Variants in TREM1 observed in about 807,000 individuals in gnomAD.
TREM1 encodes the protein triggering receptor expressed on myeloid cells 1.
Under a neutral mutation model 22.4 loss-of-function variants are expected in TREM1, and 16 were observed. The ratio of observed to expected loss-of-function variants is 0.71; its 90% CI spans 0.48 to 1.08. The LOEUF is 1.08. Ranked by LOEUF, TREM1 falls within the 50% of genes least tolerant of loss-of-function variation. TREM1 has a pLI of 0.00. For missense variants in TREM1, 283 were observed against 282.9 expected, an observed-to-expected ratio of 1.00 and a Z score of 0.00; for synonymous variants, 110 against 111.6, an observed-to-expected ratio of 0.99 and a Z score of 0.09.
intron 3 of TREM1, among the ~76,000 whole-genome samples, chr6:41,268,348 G>A (rs372921519): frequency 5.9e-5 from 9 of 152,184 alleles, no homozygotes; most frequent in African/African-American, 1.9e-4. Flanking sequence ...ATGTTTAAGC[G>A]TATCCTTATT....
chr6:41,285,159 A>G, intron 1 of TREM1, among the ~76,000 whole-genome samples: 1 of 152,228 alleles, frequency 6.6e-6, no homozygotes, highest in Middle Eastern at 3.2e-3. Flanking sequence ...GGTGGGAGTT[A>G]CAGGTGACTG....
downstream of TREM1, among the ~76,000 whole-genome samples, chr6:41,267,591 T>TA (rs372548135): frequency 7.9e-5 from 12 of 151,838 alleles, no homozygotes; most frequent in South Asian, 1.0e-3. Flanking sequence ...TAGTAAAGAT[T>TA]AAAAAAAACA....
At position 41,286,505 on chromosome 6, in the gene TREM1, C is replaced by G. The variant is rs1334233525; in HGVS notation, c.49+102G>C. The G allele has an allele frequency of 4.7e-6, 6 of 1,269,394 alleles. No homozygotes were observed. The East Asian group carries it at 1.4e-4, about 30-fold the overall frequency. The allele number at this position is 1,269,394 out of a possible 1,614,324, so 78.6% of individuals were successfully genotyped here. ...ACGGTCTGCCATAACTACTGGTTGGCTCTATCTTGGATGGCCCTGTGCTCT... is the reference window on the plus strand; with the variant it reads ...ACGGTCTGCCATAACTACTGGTTGGGTCTATCTTGGATGGCCCTGTGCTCT... On this transcript the variant is annotated intron_variant, in intron 1 of 3. Coordinates refer to ENST00000244709, the MANE Select transcript of TREM1 (RefSeq NM_018643.5).
At chr6:41,279,905 GA>G (rs1767836417) in intron 3 of TREM1, 2 of 976,908 alleles carry the variant, frequency 2.0e-6, no homozygotes, top group African/African-American at 3.5e-5. Flanking sequence ...TTTAAAAGAA[GA>G]AAAATATATC....
At chr6:41,272,711 C>T (rs570338793), downstream of TREM1, among the ~76,000 whole-genome samples, 6 of 152,180 alleles carry the variant, frequency 3.9e-5, no homozygotes, top group East Asian at 1.2e-3. Flanking sequence ...GGGGCTTTGC[C>T]TGAGTACCAG....
downstream of TREM1, chr6:41,269,886 C>T (rs939718234): frequency 2.6e-5 from 4 of 152,272 alleles, no homozygotes; most frequent in African/African-American, 9.6e-5. Context: ...TGCACCAATA[C>T]CAGCCAAATC....
chr6:41,278,490 G>A (rs984361444), intron 3 of TREM1, among the ~76,000 whole-genome samples: 1 of 151,684 alleles, frequency 6.6e-6, no homozygotes, highest in African/African-American at 2.4e-5. Flanking sequence ...GGCAACACAG[G>A]GAGACCCCCA....
chr6:41,280,889 C>T, intron 3 of TREM1, 72 bp downstream of exon 3: 1 of 1,609,126 alleles, frequency 6.2e-7, no homozygotes, highest in Non-Finnish European at 8.5e-7. Flanking sequence ...CTTTCACATC[C>T]TCTCAGCACA....
chr6:41,276,345 C>T lies in TREM1; in HGVS notation c.600-115G>A. The T allele has an allele frequency of 6.6e-6, 5 of 752,444 alleles. No homozygotes were observed. In the South Asian group the frequency reaches 8.0e-5, roughly 12 times the overall value. 46.6% of individuals were successfully genotyped at this position (752,444 alleles called of 1,614,324 possible). ...CTCCTCTGCTTAGATCCTTGCTCCA[C>T]CTTTCCCGCACTGCCTGACCCTGTG... On this transcript the variant is annotated intron_variant, in intron 3 of 3. Transcript: ENST00000244709.
In TREM1 at chr6:41,277,072, T is replaced by TAA. The variant is rs3842496; in HGVS notation, c.600-844_600-843dup. 9.0e-3 allele frequency among the ~76,000 whole-genome samples: 1,328 copies of TAA among 147,650 alleles called. 18 individuals carry two copies. Among genetic ancestry groups the TAA allele is most frequent in the African/African-American group, 0.027 (1,077 of 39,884 alleles). ...CCCCGGACTAAACATTTAAATAAAA[T>TAA]AAAAAAAAAACAATCCAAGAAAAGT... On this transcript the variant is annotated intron_variant, in intron 3 of 3. Transcript: ENST00000244709.
rs953583070 is a variant in TREM1 at position 41,275,250 on chromosome 6, C to T, written c.*875G>A. 1 of 152,182 alleles carries T rather than the reference C, an allele frequency of 6.6e-6. No individual in the cohort carries two copies. Among genetic ancestry groups the T allele is most frequent in the East Asian group, 1.9e-4 (1 of 5,182 alleles). 9.4% of individuals were successfully genotyped at this position (152,182 alleles called of 1,614,324 possible). A position where few individuals can be genotyped will look rare whatever the true frequency, so the allele number is the denominator to read the frequency against. ...AGCTTTTACTCCACCATCCCTGACC[C>T]TTGTGTGATACAGGAAAAGAGGCAT... On this transcript the variant is annotated 3_prime_UTR_variant, in exon 4 of 4. Coordinates refer to ENST00000244709, the MANE Select transcript of TREM1 (RefSeq NM_018643.5).
chr6:41,273,351 T>C (rs142721727), downstream of TREM1, among the ~76,000 whole-genome samples: 291 of 152,294 alleles, frequency 1.9e-3, 1 homozygote, highest in African/African-American at 6.8e-3. Flanking sequence ...CTTGCTGTTT[T>C]AGATAGCCAG....
intron 3 of TREM1, among the ~76,000 whole-genome samples, chr6:41,276,491 C>T (rs571692315): frequency 2.0e-5 from 3 of 152,268 alleles, no homozygotes; most frequent in African/African-American, 7.2e-5. Context: ...CATCCTCCTC[C>T]CTGTGATGTG....
chr6:41,269,049 T>G (rs1461803578), downstream of TREM1, among the ~76,000 whole-genome samples: 17 of 152,220 alleles, frequency 1.1e-4, no homozygotes, highest in Non-Finnish European at 1.5e-5. Context: ...TGTCCTGATA[T>G]TCACATATTC....
At chr6:41,270,975 G>T (rs1299468360), downstream of TREM1, among the ~76,000 whole-genome samples, 1 of 152,114 alleles carries the variant, frequency 6.6e-6, no homozygotes, top group Non-Finnish European at 1.5e-5. Flanking sequence ...CAAAGTGTTG[G>T]GATTACAGGT....
rs772655224 is a variant in TREM1 at position 41,282,423 on chromosome 6, G to T, written c.378C>A (p.Phe126Leu). The T allele has an allele frequency of 1.2e-6, 2 of 1,613,252 alleles. No homozygotes were observed. The highest frequency in any genetic ancestry group is 1.7e-6 in the Non-Finnish European group (2 of 1,179,574). The change falls in exon 2 of 4, where the codon TTC (phenylalanine) becomes TTA (leucine). Residue 126 changes from phenylalanine (F) to leucine (L), a missense_variant. Phe to Leu is a conservative substitution (Grantham distance 22). Coordinates refer to ENST00000244709, the MANE Select transcript of TREM1 (RefSeq NM_018643.5). ...YQPPKEPHML[F>L]DRIRLVVTKG... Reference sequence around the variant, plus strand: ...TGGTCACCACCAAGCGGATGCGATCGAACAGCATGTGAGGCTCCTTGGGAG... The same window carrying T: ...TGGTCACCACCAAGCGGATGCGATCTAACAGCATGTGAGGCTCCTTGGGAG...
chr6:41,284,999 G>T (rs1358774555), intron 1 of TREM1, among the ~76,000 whole-genome samples: 1 of 152,198 alleles, frequency 6.6e-6, no homozygotes, highest in Admixed American at 6.5e-5. Flanking sequence ...TCACTCATCA[G>T]ACTGGCTGGG....
intron 3 of TREM1, chr6:41,268,094 A>G: frequency 2.5e-6 from 1 of 398,626 alleles, no homozygotes; most frequent in Admixed American, 4.4e-5. Flanking sequence ...TTTCCCTGCA[A>G]ATTCAAGCGG....
chr6:41,276,151 C>G lies in TREM1; in HGVS notation c.679G>C (p.Val227Leu). The G allele has an allele frequency of 6.2e-7, 1 of 1,614,154 alleles. No homozygotes were observed. Among genetic ancestry groups the G allele is most frequent in the Non-Finnish European group, 8.5e-7 (1 of 1,180,018 alleles). The change falls in exon 4 of 4, where the codon GTC (valine) becomes CTC (leucine). Residue 227 changes from valine (V) to leucine (L), a missense_variant. Val to Leu is a conservative substitution (Grantham distance 32, BLOSUM62 1). Transcript: ENST00000244709. ...KSLVFSVLFAVTLRSFVP is the reference protein window; with the variant it reads ...KSLVFSVLFALTLRSFVP ...TAGGGTACAAATGACCTCAGCGTGA[C>G]AGCAAACAGGACAGAGAAGACCAGG... is the stretch of plus-strand genomic sequence containing the variant.
Sources: gnomAD v4.1 joint callset for allele counts (sites outside exome capture counted in the v4.1 genomes callset) on GRCh38, gnomAD v4.1.1 for gene constraint, MANE v1.5 for transcripts, NCBI Gene and HGNC (gene_info 2026-07-23, HGNC 2026-07-21) for gene names.